The following CABCOCO1 variants were observed in gnomAD, a reference collection of about 807,000 sequenced individuals.
CABCOCO1 encodes the protein ciliary associated calcium binding coiled-coil 1.
CABCOCO1 carries 28 observed loss-of-function variants against 35.7 expected under a neutral mutation model. The observed-to-expected ratio is 0.78, with a 90% CI of 0.58 to 1.07. The LOEUF (loss-of-function observed/expected upper bound fraction) is 1.07, where lower values mean the gene tolerates loss of function less well. Ranked by LOEUF, CABCOCO1 falls within the 50% of genes least tolerant of loss-of-function variation. CABCOCO1 has a pLI of 0.00. For missense variants in CABCOCO1, 326 were observed against 309.2 expected (o/e 1.05, Z -0.41); for synonymous variants, 95 against 100.1 (o/e 0.95, Z 0.30).
chr10:61,705,949 A>T (rs1162121283), intron 5 of CABCOCO1, among the ~76,000 whole-genome samples: 4 of 152,184 alleles, frequency 2.6e-5, no homozygotes, highest in Non-Finnish European at 4.4e-5. Context: ...ATCAAAGACA[A>T]CCATGAATGA....
intron 5 of CABCOCO1, 68 bp from the exon 6 acceptor site, chr10:61,759,991 G>A (rs1241534022): frequency 5.3e-5 from 84 of 1,581,724 alleles, no homozygotes; most frequent in Non-Finnish European, 6.8e-5. Context: ...CATATATAAC[G>A]GAACTGACCG....
chr10:61,709,568 C>A (rs962298969), intron 5 of CABCOCO1, among the ~76,000 whole-genome samples: 2 of 151,790 alleles, frequency 1.3e-5, no homozygotes, highest in East Asian at 3.9e-4. Flanking sequence ...TAAATAAATT[C>A]ATTTTTCATA....
In CABCOCO1 at chr10:61,766,549, A is replaced by T. The variant is rs1022487880; in HGVS notation, c.*536A>T. On this transcript the variant is annotated 3_prime_UTR_variant, in exon 8 of 8. Coordinates refer to ENST00000648843, the MANE Select transcript of CABCOCO1 (RefSeq NM_001366906.2). ...GAAATCATTTGGTTTTCTTATTTAA[A>T]CGTTTCAGTGTGAAACCAATTTTCT... 3.3e-5 allele frequency: 5 copies of T among 152,154 alleles called. No individual in the cohort carries two copies. Among genetic ancestry groups the T allele is most frequent in the African/African-American group, 1.2e-4 (5 of 41,508 alleles). The allele number at this position is 152,154 out of a possible 1,614,324, so 9.4% of individuals were successfully genotyped here. A position where few individuals can be genotyped will look rare whatever the true frequency, so the allele number is the denominator to read the frequency against.
intron 5 of CABCOCO1, among the ~76,000 whole-genome samples, chr10:61,751,918 T>C (rs1378115926): frequency 6.6e-6 from 1 of 152,194 alleles, no homozygotes; most frequent in Non-Finnish European, 1.5e-5. Flanking sequence ...AGATACCACC[T>C]AGATTTTTCA....
chr10:61,733,906 T>G (rs1405806546), intron 5 of CABCOCO1, among the ~76,000 whole-genome samples: 1 of 152,002 alleles, frequency 6.6e-6, no homozygotes, highest in African/African-American at 2.4e-5. Flanking sequence ...TAAAAAGAGT[T>G]TTCTTGTTAA....
In CABCOCO1 at chr10:61,766,302, C is replaced by T. The variant is rs1022881983; in HGVS notation, c.*289C>T. On this transcript the variant is annotated 3_prime_UTR_variant, in exon 8 of 8. Coordinates refer to ENST00000648843, the MANE Select transcript of CABCOCO1 (RefSeq NM_001366906.2). ...AATTACTTTTATGATAGTCCTTTGACGTTTTGACTAATAAATCCTATTCAT... is the reference window on the plus strand; with the variant it reads ...AATTACTTTTATGATAGTCCTTTGATGTTTTGACTAATAAATCCTATTCAT... 54 of 187,986 alleles carry T rather than the reference C, an allele frequency of 2.9e-4. No homozygotes were observed. Among genetic ancestry groups the T allele is most frequent in the Middle Eastern group, 2.1e-3 (1 of 474 alleles). The allele number at this position is 187,986 out of a possible 1,614,324, so 11.6% of individuals were successfully genotyped here. A position where few individuals can be genotyped will look rare whatever the true frequency, so the allele number is the denominator to read the frequency against.
At chr10:61,715,857 G>A (rs1285908630) in intron 5 of CABCOCO1, among the ~76,000 whole-genome samples, 2 of 152,142 alleles carry the variant, frequency 1.3e-5, no homozygotes, top group African/African-American at 4.8e-5. Flanking sequence ...CTTCTGGCTT[G>A]TAGGGTTTCT....
chr10:61,666,574 TA>T (rs1424583420), intron 1 of CABCOCO1, among the ~76,000 whole-genome samples: 3 of 152,170 alleles, frequency 2.0e-5, no homozygotes, highest in African/African-American at 7.2e-5. Context: ...CTGTCTTATT[TA>T]AGAAGTCCTG....
At chr10:61,754,047 GT>G (rs1415696353) in intron 5 of CABCOCO1, among the ~76,000 whole-genome samples, 2 of 152,022 alleles carry the variant, frequency 1.3e-5, no homozygotes, top group African/African-American at 4.8e-5. Context: ...AATAATAACA[GT>G]AATTATAAGT....
At chr10:61,699,226 T>C (rs1309252910) in intron 5 of CABCOCO1, among the ~76,000 whole-genome samples, 1 of 152,178 alleles carries the variant, frequency 6.6e-6, no homozygotes, top group Non-Finnish European at 1.5e-5. Context: ...AAATGGTTGA[T>C]GCTTGGATAT....
At chr10:61,740,756 C>T (rs564686875) in intron 5 of CABCOCO1, among the ~76,000 whole-genome samples, 46 of 151,986 alleles carry the variant, frequency 3.0e-4, no homozygotes, top group African/African-American at 8.7e-4. Flanking sequence ...GAATATGAAA[C>T]GAACAATATA....
At chr10:61,689,582 A>C (rs1352283862) in intron 4 of CABCOCO1, among the ~76,000 whole-genome samples, 1 of 152,210 alleles carries the variant, frequency 6.6e-6, no homozygotes, top group Non-Finnish European at 1.5e-5. Context: ...TACAACATCC[A>C]GGAGAAGCCA....
chr10:61,726,142 G>T (rs1012382065), intron 5 of CABCOCO1, among the ~76,000 whole-genome samples: 2 of 152,124 alleles, frequency 1.3e-5, no homozygotes, highest in African/African-American at 4.8e-5. Flanking sequence ...TAATTTCAAA[G>T]ATTTGTTCCA....
intron 5 of CABCOCO1, among the ~76,000 whole-genome samples, chr10:61,707,044 AG>A (rs1488571091): frequency 3.9e-5 from 6 of 152,240 alleles, no homozygotes; most frequent in African/African-American, 1.2e-4. Context: ...CTAACTCTAT[AG>A]TAATTGATAC....
chr10:61,738,308 C>T (rs562167782), intron 5 of CABCOCO1, among the ~76,000 whole-genome samples: 1 of 152,226 alleles, frequency 6.6e-6, no homozygotes, highest in South Asian at 2.1e-4. Context: ...GAGCCTAGAT[C>T]CCATAAGATT....
intron 3 of CABCOCO1, among the ~76,000 whole-genome samples, chr10:61,683,909 T>C (rs1839875966): frequency 6.6e-6 from 1 of 152,184 alleles, no homozygotes; most frequent in South Asian, 2.1e-4. Flanking sequence ...AATAGTCATA[T>C]AAATGTATTT....
chr10:61,762,090 A>C (rs1398080459), intron 7 of CABCOCO1, among the ~76,000 whole-genome samples: 1 of 152,094 alleles, frequency 6.6e-6, no homozygotes, highest in Non-Finnish European at 1.5e-5. Flanking sequence ...AGTTCAGAAC[A>C]TATCTCCTTT....
chr10:61,723,704 G>T (rs1322628463), intron 5 of CABCOCO1, among the ~76,000 whole-genome samples: 5 of 152,070 alleles, frequency 3.3e-5, no homozygotes, highest in Non-Finnish European at 7.4e-5. Context: ...GCTCTCTAGT[G>T]TCTCTTTTAA....
chr10:61,704,352 C>T (rs760426938), intron 5 of CABCOCO1, among the ~76,000 whole-genome samples: 11 of 152,320 alleles, frequency 7.2e-5, no homozygotes, highest in Non-Finnish European at 1.2e-4. Context: ...CAGAATACCA[C>T]TTCTAAGATG....
Sources: gnomAD v4.1 joint callset for allele counts (sites outside exome capture counted in the v4.1 genomes callset) on GRCh38, gnomAD v4.1.1 for gene constraint, MANE v1.5 for transcripts, NCBI Gene and HGNC (gene_info 2026-07-23, HGNC 2026-07-21) for gene names.